Variants in SLC35F3 observed in about 807,000 individuals in gnomAD.
SLC35F3 encodes the protein solute carrier family 35 member F3.
Under a neutral mutation model 49.9 loss-of-function variants are expected in SLC35F3, and 25 were observed. The observed-to-expected ratio is 0.50, with a 90% CI of 0.37 to 0.70. The LOEUF is 0.70. SLC35F3 is among the 30% of genes least tolerant of loss of function. The probability of loss-of-function intolerance (pLI) is 0.00; values close to 1 mark genes in which losing one functional copy is unlikely to be tolerated. For synonymous variants in SLC35F3, 275 were observed against 265.4 expected (o/e 1.04, Z -0.35); for missense variants, 525 against 639.8 (o/e 0.82, Z 1.94).
chr1:234,049,746 T>C (rs1664347243), intron 2 of SLC35F3, among the ~76,000 whole-genome samples: 1 of 152,180 alleles, frequency 6.6e-6, no homozygotes, highest in African/African-American at 2.4e-5. Flanking sequence ...CATTAACTCG[T>C]CATTTACATT....
intron 2 of SLC35F3, among the ~76,000 whole-genome samples, chr1:234,075,449 G>T (rs1664778024): frequency 6.6e-6 from 1 of 152,202 alleles, no homozygotes; most frequent in South Asian, 2.1e-4. Context: ...CATGTCTTTA[G>T]TGCAAGCTAA....
At chr1:233,914,033 C>A (rs576243944) in intron 2 of SLC35F3, among the ~76,000 whole-genome samples, 1 of 152,242 alleles carries the variant, frequency 6.6e-6, no homozygotes, top group African/African-American at 2.4e-5. Flanking sequence ...ACCATCAGAG[C>A]AGGCACCTTT....
intron 2 of SLC35F3, among the ~76,000 whole-genome samples, chr1:234,056,302 G>A (rs892738214): frequency 5.9e-5 from 9 of 151,706 alleles, no homozygotes; most frequent in African/African-American, 1.9e-4. Context: ...AAATGTCTTT[G>A]AGCACAGTGA....
At chr1:234,250,641 G>C (rs1295655664) in intron 3 of SLC35F3, among the ~76,000 whole-genome samples, 1 of 133,038 alleles carries the variant, frequency 7.5e-6, no homozygotes, top group South Asian at 2.6e-4. Context: ...GCGACAGAGC[G>C]AGACTCCGTC....
intron 2 of SLC35F3, among the ~76,000 whole-genome samples, chr1:234,164,015 A>G (rs1185009979): frequency 6.6e-6 from 1 of 152,114 alleles, no homozygotes; most frequent in Non-Finnish European, 1.5e-5. Context: ...TGCAAAAAAA[A>G]AGCAAATTAG....
intron 2 of SLC35F3, among the ~76,000 whole-genome samples, chr1:233,987,857 C>T (rs73098490): frequency 0.027 from 4,126 of 151,918 alleles, 192 homozygotes; most frequent in African/African-American, 0.094. Context: ...ATGTTTCAAC[C>T]CTTCTATTTA....
intron 2 of SLC35F3, among the ~76,000 whole-genome samples, chr1:234,203,432 G>T (rs1477803067): frequency 6.6e-6 from 1 of 152,086 alleles, no homozygotes; most frequent in Non-Finnish European, 1.5e-5. Context: ...AATGGTTTTG[G>T]CCAGGCGCAA....
chr1:234,167,805 C>CTGAGG, intron 2 of SLC35F3, among the ~76,000 whole-genome samples: 1 of 152,258 alleles, frequency 6.6e-6, no homozygotes, highest in East Asian at 1.9e-4. Context: ...GATAAGAAAG[C>CTGAGG]TGAGGTGAGG....
intron 4 of SLC35F3, among the ~76,000 whole-genome samples, chr1:234,311,637 T>C (rs1308170378): frequency 6.6e-6 from 1 of 152,212 alleles, no homozygotes; most frequent in Non-Finnish European, 1.5e-5. Flanking sequence ...AGCAAACGTG[T>C]CTTATCATGC....
chr1:233,905,382 G>A (rs1010240273), intron 1 of SLC35F3, 147 bp from the exon 2 acceptor site: 1 of 726,016 alleles, frequency 1.4e-6, no homozygotes, highest in Admixed American at 2.8e-5. Context: ...CGGGAAGGGA[G>A]GAGCGCGGGC....
At chr1:234,183,843 C>A (rs1334492849) in intron 2 of SLC35F3, among the ~76,000 whole-genome samples, 3 of 142,956 alleles carry the variant, frequency 2.1e-5, no homozygotes, top group African/African-American at 7.3e-5. Flanking sequence ...GTGCCTACCC[C>A]TGTCTTCCTC....
At chr1:234,080,721 A>G (rs186033945) in intron 2 of SLC35F3, among the ~76,000 whole-genome samples, 66 of 152,346 alleles carry the variant, frequency 4.3e-4, no homozygotes, top group Non-Finnish European at 8.8e-4. Context: ...AAATCCATAC[A>G]GAAAGAAAGT....
chr1:234,290,560 T>C (rs481818), intron 3 of SLC35F3, among the ~76,000 whole-genome samples: 120,587 of 152,168 alleles, frequency 0.79, 47,954 homozygotes, highest in South Asian at 0.89. Flanking sequence ...GTCCTGGAGT[T>C]GGATGTCAGG....
intron 2 of SLC35F3, among the ~76,000 whole-genome samples, chr1:234,116,015 G>A (rs1665481437): frequency 6.6e-6 from 1 of 152,194 alleles, no homozygotes; most frequent in African/African-American, 2.4e-5. Flanking sequence ...GTAGATAAAA[G>A]GGGCAAGCAG....
At chr1:234,091,699 G>T (rs1271416018) in intron 2 of SLC35F3, among the ~76,000 whole-genome samples, 3 of 152,134 alleles carry the variant, frequency 2.0e-5, no homozygotes, top group Non-Finnish European at 2.9e-5. Flanking sequence ...GGAAAGGATG[G>T]TATTTATATT....
Position 234,102,179 on chromosome 1 carries a change from C to T in SLC35F3, c.284-129238C>T, listed in dbSNP as rs116007762. On this transcript the variant is annotated intron_variant, in intron 2 of 7. Transcript: ENST00000366618. ...AAAAGAGGAACTCCATATCTTTCAT[C>T]CCCTGGGACCTCTTTAGAGAAGAGA... is the stretch of plus-strand genomic sequence containing the variant. Among the ~76,000 whole-genome samples the T allele has an allele frequency of 4.1e-3, 623 of 152,316 alleles. 7 individuals carry two copies. The highest frequency in any genetic ancestry group is 0.014 in the African/African-American group (586 of 41,570).
In SLC35F3 at chr1:233,982,794, GT is replaced by G. The variant is rs533844147; in HGVS notation, c.283+77039del. 5.9e-3 allele frequency among the ~76,000 whole-genome samples: 894 copies of G among 152,308 alleles called. 12 individuals carry two copies. Among genetic ancestry groups the G allele is most frequent in the Non-Finnish European group, 5.4e-3 (369 of 68,034 alleles). On this transcript the variant is annotated intron_variant, in intron 2 of 7. Coordinates refer to ENST00000366618, the MANE Select transcript of SLC35F3 (RefSeq NM_173508.4). ...ACATCATTGTCCCTGCCTACACAAA[GT>G]TTATTCTCTGATCGGGAGGGAGACG...
rs528479836 is a variant in SLC35F3, at chr1:234,021,161, G to A, written c.283+115403G>A. Among the ~76,000 whole-genome samples the A allele has an allele frequency of 2.0e-5, 3 of 152,066 alleles. No homozygotes were observed. The East Asian group carries it at 5.8e-4, about 29-fold the overall frequency. ...GCCAAGACAGAGCTTGTGACCCTAG[G>A]AGACATTGCCCCGCCCCCAGCAGGC... On this transcript the variant is annotated intron_variant, in intron 2 of 7. Transcript: ENST00000366618.
chr1:234,042,715 T>G (rs560147210), intron 2 of SLC35F3, among the ~76,000 whole-genome samples: 2 of 152,370 alleles, frequency 1.3e-5, no homozygotes, highest in Admixed American at 6.5e-5. Flanking sequence ...TTCGAGAGTT[T>G]ATTTCCATCT....
Sources: gnomAD v4.1 joint callset for allele counts (sites outside exome capture counted in the v4.1 genomes callset) on GRCh38, gnomAD v4.1.1 for gene constraint, MANE v1.5 for transcripts, NCBI Gene and HGNC (gene_info 2026-07-23, HGNC 2026-07-21) for gene names.